The following RAB21 variants were observed in gnomAD, a reference collection of about 807,000 sequenced individuals.
RAB21 encodes the protein ras-related protein Rab-21.
In RAB21, 13 loss-of-function variants were observed where a neutral mutation model predicts 33.1. The ratio of observed to expected loss-of-function variants is 0.39; its 90% CI spans 0.26 to 0.62. The LOEUF is 0.62. Among genes scored for constraint, RAB21 ranks in the 20% least tolerant of loss-of-function variants. RAB21 has a pLI of 0.48. For synonymous variants in RAB21, 91 were observed against 103.7 expected (o/e 0.88, Z 0.74); for missense variants, 234 against 279.1 (o/e 0.84, Z 1.15).
chr12:71,755,910 C>G (rs1298881493), intron 1 of RAB21, among the ~76,000 whole-genome samples: 1 of 152,196 alleles, frequency 6.6e-6, no homozygotes, highest in Non-Finnish European at 1.5e-5. Context: ...CAAGTGAATA[C>G]TGGCCAACAA....
intron 1 of RAB21, among the ~76,000 whole-genome samples, chr12:71,763,372 G>A (rs1882908656): frequency 6.6e-6 from 1 of 152,056 alleles, no homozygotes; most frequent in Admixed American, 6.5e-5. Flanking sequence ...GATTAAACAA[G>A]TTATGAAAAG....
At position 71,798,505 on chromosome 12, in the gene RAB21, G is replaced by A. The variant is rs1048883815; in HGVS notation, c.*12832G>A. 6.6e-6 allele frequency: 1 copy of A among 152,008 alleles called. No individual in the cohort carries two copies. The highest frequency in any genetic ancestry group is 6.6e-5 in the Admixed American group (1 of 15,260). 9.4% of individuals were successfully genotyped at this position (152,008 alleles called of 1,614,324 possible). A position where few individuals can be genotyped will look rare whatever the true frequency, so the allele number is the denominator to read the frequency against. On this transcript the variant is annotated 3_prime_UTR_variant, in exon 7 of 7. Transcript: ENST00000261263. The stretch of plus-strand genomic sequence containing the variant: ...ATATTTTCAAATCATATCATGCATT[G>A]CTTAATTTATAAAGAACACCTAGAA...
intron 3 of RAB21, among the ~76,000 whole-genome samples, chr12:71,773,349 G>A (rs1014893811): frequency 2.0e-5 from 3 of 152,176 alleles, no homozygotes; most frequent in Non-Finnish European, 2.9e-5. Flanking sequence ...TAGTGGGTAG[G>A]AAGTCAGGGA....
At chr12:71,773,342 T>C (rs1372742001) in intron 3 of RAB21, among the ~76,000 whole-genome samples, 1 of 152,158 alleles carries the variant, frequency 6.6e-6, no homozygotes, top group Admixed American at 6.5e-5. Flanking sequence ...TGGCATCTAG[T>C]GGGTAGGAAG....
chr12:71,763,105 A>G (rs779109314), intron 1 of RAB21, among the ~76,000 whole-genome samples: 12 of 100,986 alleles, frequency 1.2e-4, no homozygotes, highest in Admixed American at 2.1e-4. Flanking sequence ...TTGCACGCAC[A>G]CACACACACA....
chr12:71,777,754 A>G (rs182813537), intron 4 of RAB21, among the ~76,000 whole-genome samples: 13 of 152,136 alleles, frequency 8.5e-5, no homozygotes, highest in African/African-American at 3.1e-4. Flanking sequence ...AGACATTCTG[A>G]TCATCCTGAT....
intron 5 of RAB21, 86 bp downstream of exon 5, chr12:71,782,171 C>T: frequency 8.0e-7 from 1 of 1,245,062 alleles, no homozygotes. Context: ...TTAGGTATTA[C>T]TCAAATCTCT....
chr12:71,788,863 A>G lies in RAB21; in HGVS notation c.*3190A>G, dbSNP rs936525718. 1 of 152,118 alleles carries G rather than the reference A, an allele frequency of 6.6e-6. No homozygotes were observed. Among genetic ancestry groups the G allele is most frequent in the African/African-American group, 2.4e-5 (1 of 41,458 alleles). The allele number at this position is 152,118 out of a possible 1,614,324, so 9.4% of individuals were successfully genotyped here. On this transcript the variant is annotated 3_prime_UTR_variant, in exon 7 of 7. Transcript: ENST00000261263. ...ATTGTTTTTGAAAATGTATATTGCC[A>G]TGCTTTTGGGGTAAGCAGTAATGTG...
At chr12:71,771,711 C>A (rs1321342100) in intron 3 of RAB21, among the ~76,000 whole-genome samples, 1 of 152,146 alleles carries the variant, frequency 6.6e-6, no homozygotes, top group African/African-American at 2.4e-5. Context: ...CAGTGGCTCA[C>A]GCCTGTAATC....
At chr12:71,770,210 A>T (rs1883021942) in intron 2 of RAB21, among the ~76,000 whole-genome samples, 1 of 152,052 alleles carries the variant, frequency 6.6e-6, no homozygotes, top group South Asian at 2.1e-4. Flanking sequence ...GGTGATCTTG[A>T]TGCACGTGCC....
intron 4 of RAB21, among the ~76,000 whole-genome samples, chr12:71,778,363 G>A (rs1353711358): frequency 1.3e-5 from 2 of 152,148 alleles, no homozygotes; most frequent in Non-Finnish European, 2.9e-5. Flanking sequence ...CTGAGTGCCA[G>A]GCACTGTTTT....
chr12:71,755,840 G>C (rs575489220), intron 1 of RAB21, among the ~76,000 whole-genome samples: 19 of 152,182 alleles, frequency 1.2e-4, no homozygotes, highest in Non-Finnish European at 2.2e-4. Context: ...TGCAGCCTGC[G>C]TGGGTCTGAC....
In RAB21 at chr12:71,755,024, G is replaced by C; in HGVS notation, c.-106G>C. On this transcript the variant is annotated 5_prime_UTR_variant, in exon 1 of 7. Coordinates refer to ENST00000261263, the MANE Select transcript of RAB21 (RefSeq NM_014999.4). The stretch of plus-strand genomic sequence containing the variant: ...GCGTGGGGACAGCGCCCGGGTCGGC[G>C]GGGCCGGGGCGGTGGGGGCTGAGCC... The C allele has an allele frequency of 1.0e-6, 1 of 981,648 alleles. No individual in the cohort carries two copies. The highest frequency in any genetic ancestry group is 1.2e-6 in the Non-Finnish European group (1 of 821,984). The allele number at this position is 981,648 out of a possible 1,614,324, so 60.8% of individuals were successfully genotyped here. A position where few individuals can be genotyped will look rare whatever the true frequency, so the allele number is the denominator to read the frequency against.
intron 4 of RAB21, 27 bp from the exon 5 acceptor site, chr12:71,782,004 G>T (rs1565894221): frequency 2.0e-6 from 3 of 1,512,148 alleles, no homozygotes; most frequent in Non-Finnish European, 2.7e-6. Context: ...TCAGTATAAA[G>T]ATAAATATTT....
chr12:71,764,442 G>A (rs1038868822), intron 1 of RAB21, among the ~76,000 whole-genome samples: 1 of 152,040 alleles, frequency 6.6e-6, no homozygotes, highest in Admixed American at 6.5e-5. Flanking sequence ...TTGATTGTTT[G>A]CTGCTATCTT....
In RAB21 at chr12:71,798,416, A is replaced by G. The variant is rs1883493934; in HGVS notation, c.*12743A>G. ...AATAAATTATATCACTATATAAAATAAATTCCTCACAGCAAAAAACCACCA... is the reference window on the plus strand; with the variant it reads ...AATAAATTATATCACTATATAAAATGAATTCCTCACAGCAAAAAACCACCA... On this transcript the variant is annotated 3_prime_UTR_variant, in exon 7 of 7. Transcript: ENST00000261263. The G allele has an allele frequency of 6.6e-6, 1 of 152,170 alleles. No homozygotes were observed. Among genetic ancestry groups the G allele is most frequent in the South Asian group, 2.1e-4 (1 of 4,830 alleles). The allele number at this position is 152,170 out of a possible 1,614,324, so 9.4% of individuals were successfully genotyped here.
intron 4 of RAB21, among the ~76,000 whole-genome samples, chr12:71,779,125 C>T (rs142806156): frequency 7.2e-5 from 11 of 152,272 alleles, no homozygotes; most frequent in East Asian, 1.9e-4. Flanking sequence ...GCGACACATG[C>T]GTACAGTGAG....
At chr12:71,755,730 T>C (rs554968980) in intron 1 of RAB21, among the ~76,000 whole-genome samples, 31 of 152,244 alleles carry the variant, frequency 2.0e-4, no homozygotes, top group Admixed American at 4.6e-4. Context: ...TAAGTGTTTA[T>C]GCAAGTTCCA....
intron 3 of RAB21, among the ~76,000 whole-genome samples, chr12:71,773,227 A>C (rs1366734235): frequency 6.6e-6 from 1 of 152,226 alleles, no homozygotes; most frequent in Non-Finnish European, 1.5e-5. Context: ...CTTCACTCAT[A>C]CTGGAGAATC....
Sources: allele counts gnomAD v4.1 joint callset (sites outside exome capture counted in the v4.1 genomes callset), GRCh38; gene constraint gnomAD v4.1.1; transcripts MANE v1.5; gene names NCBI Gene and HGNC (gene_info 2026-07-23, HGNC 2026-07-21).